Variants in MRTFA observed in about 807,000 individuals in gnomAD.
MRTFA encodes the protein myocardin related transcription factor A, also known as myocardin-related transcription factor A.
In MRTFA, 20 loss-of-function variants were observed where a neutral mutation model predicts 83.5. That is an observed-to-expected ratio of 0.24 (90% CI 0.17 to 0.35). MRTFA has a LOEUF of 0.35. MRTFA is among the 10% of genes least tolerant of loss of function. The pLI is 1.00. For synonymous variants in MRTFA, 659 were observed against 541.2 expected (o/e 1.22, Z -3.02); for missense variants, 1,200 against 1,224.7 (o/e 0.98, Z 0.30).
chr22:40,414,662 G>A (rs948197506), intron 14 of MRTFA, among the ~76,000 whole-genome samples: 8 of 152,272 alleles, frequency 5.3e-5, no homozygotes, highest in African/African-American at 9.6e-5. Flanking sequence ...AGGTCCCCAC[G>A]ACAGGCAAAT....
At chr22:40,520,356 A>G (rs144683633) in intron 3 of MRTFA, among the ~76,000 whole-genome samples, 2 of 152,154 alleles carry the variant, frequency 1.3e-5, no homozygotes, top group East Asian at 3.8e-4. Context: ...GAATCACACA[A>G]TATGTGGCCT....
intron 4 of MRTFA, among the ~76,000 whole-genome samples, chr22:40,436,646 T>A (rs1478452645): frequency 1.3e-5 from 2 of 152,120 alleles, no homozygotes; most frequent in African/African-American, 4.8e-5. Context: ...GTCAAAAACT[T>A]GGCTGTAAGG....
intron 3 of MRTFA, among the ~76,000 whole-genome samples, chr22:40,464,062 G>A (rs2053767076): frequency 6.6e-6 from 1 of 151,900 alleles, no homozygotes; most frequent in African/African-American, 2.4e-5. Flanking sequence ...CAGCACTTTG[G>A]AAGACCGAGG....
intron 4 of MRTFA, among the ~76,000 whole-genome samples, chr22:40,454,641 A>G (rs2053551249): frequency 6.6e-6 from 1 of 152,214 alleles, no homozygotes; most frequent in African/African-American, 2.4e-5. Flanking sequence ...TGGGTAACTA[A>G]TTCTGTGAGT....
rs1158818101 is a variant in MRTFA, at chr22:40,423,950, G to A, written c.777+256C>T. ...ATAAATGAATACAGACTGGGCCAGT[G>A]ACGTTTGCAATCCCACTGCAAGGCA... On this transcript the variant is annotated intron_variant, in intron 8 of 14. Transcript: ENST00000355630. Among the ~76,000 whole-genome samples, 4 of 152,200 alleles carry A rather than the reference G, an allele frequency of 2.6e-5. No homozygotes were observed. In the East Asian group the frequency reaches 7.7e-4, roughly 29 times the overall value.
At position 40,419,187 on chromosome 22, in the gene MRTFA, C is replaced by T. The variant is rs745514428; in HGVS notation, c.1551G>A (p.Thr517=). ...GGCCTGCTGCCACCAGGGCTGGCCC[C>T]GTGCTCAGCCGGGCCGCTGGGAAGG... Residue 517 remains threonine (T), a synonymous_variant, in exon 12 of 15, where the codon ACG becomes ACA. Coordinates refer to ENST00000355630, the MANE Select transcript of MRTFA (RefSeq NM_020831.6). 9.5e-6 allele frequency: 15 copies of T among 1,586,988 alleles called. No individual in the cohort carries two copies. Among genetic ancestry groups the T allele is most frequent in the African/African-American group, 6.7e-5 (5 of 74,104 alleles).
chr22:40,595,863 CTTTTTTTTT>C (rs35215701), intron 1 of MRTFA, among the ~76,000 whole-genome samples: 1 of 78,108 alleles, frequency 1.3e-5, no homozygotes, highest in African/African-American at 4.9e-5. Flanking sequence ...TATCTAAAGT[CTTTTTTTTT>C]TTTTTTTTTT....
At chr22:40,608,795 A>T (rs2056349909) in intron 1 of MRTFA, among the ~76,000 whole-genome samples, 1 of 152,216 alleles carries the variant, frequency 6.6e-6, no homozygotes, top group East Asian at 1.9e-4. Context: ...AAAGTACTTC[A>T]ATATGAGGTA....
chr22:40,618,883 C>T (rs974906194), intron 1 of MRTFA, among the ~76,000 whole-genome samples: 6 of 151,648 alleles, frequency 4.0e-5, no homozygotes, highest in Non-Finnish European at 7.4e-5. Flanking sequence ...GAATCTCGAA[C>T]TCAGGAGGCA....
intron 1 of MRTFA, among the ~76,000 whole-genome samples, chr22:40,629,629 A>G (rs919538904): frequency 6.0e-5 from 9 of 150,740 alleles, no homozygotes; most frequent in South Asian, 4.2e-4. Flanking sequence ...ACAAAAAATT[A>G]GCTGGGCGTG....
intron 3 of MRTFA, among the ~76,000 whole-genome samples, chr22:40,549,123 G>GGA (rs2055409694): frequency 4.6e-5 from 7 of 152,082 alleles, no homozygotes; most frequent in Admixed American, 4.6e-4. Flanking sequence ...GGAGTGTAGT[G>GGA]GTGCAATCAT....
chr22:40,544,477 T>C (rs1000489496), intron 3 of MRTFA, among the ~76,000 whole-genome samples: 2 of 152,184 alleles, frequency 1.3e-5, no homozygotes, highest in African/African-American at 2.4e-5. Context: ...TCCTCCCGCC[T>C]TGGCCTCCCC....
At chr22:40,600,030 G>GA (rs2056240625) in intron 1 of MRTFA, among the ~76,000 whole-genome samples, 1 of 151,230 alleles carries the variant, frequency 6.6e-6, no homozygotes, top group South Asian at 2.1e-4. Flanking sequence ...AAAGCAGAGG[G>GA]AAAATAACAA....
At chr22:40,617,628 G>A (rs1361937947) in intron 1 of MRTFA, among the ~76,000 whole-genome samples, 3 of 151,600 alleles carry the variant, frequency 2.0e-5, no homozygotes, top group Admixed American at 6.6e-5. Flanking sequence ...TCGGGAGGCT[G>A]AGGCAGGAGA....
intron 3 of MRTFA, among the ~76,000 whole-genome samples, chr22:40,504,002 G>A (rs942582465): frequency 6.6e-6 from 1 of 152,060 alleles, no homozygotes; most frequent in African/African-American, 2.4e-5. Flanking sequence ...AAAAGATTCA[G>A]TTAAATTTAT....
At chr22:40,539,360 G>C (rs1055564681) in intron 3 of MRTFA, among the ~76,000 whole-genome samples, 7 of 140,094 alleles carry the variant, frequency 5.0e-5, no homozygotes, top group African/African-American at 1.9e-4. Context: ...TTTTTTTTGA[G>C]ACAGAATCTT....
chr22:40,596,685 T>C (rs1226503655), intron 1 of MRTFA, among the ~76,000 whole-genome samples: 4 of 152,138 alleles, frequency 2.6e-5, no homozygotes, highest in African/African-American at 9.7e-5. Context: ...CACGTACCTG[T>C]AGTCCCAGGT....
At chr22:40,554,479 G>T (rs979909751) in intron 2 of MRTFA, among the ~76,000 whole-genome samples, 1 of 152,110 alleles carries the variant, frequency 6.6e-6, no homozygotes, top group African/African-American at 2.4e-5. Context: ...TTTTATAAGG[G>T]GCTTTTCCTC....
chr22:40,589,617 T>C (rs1012959580), intron 2 of MRTFA, among the ~76,000 whole-genome samples: 1 of 152,238 alleles, frequency 6.6e-6, no homozygotes, highest in Non-Finnish European at 1.5e-5. Flanking sequence ...ATGCTAATAA[T>C]GTCTACTAAA....
Sources: allele counts gnomAD v4.1 joint callset (sites outside exome capture counted in the v4.1 genomes callset), GRCh38; gene constraint gnomAD v4.1.1; transcripts MANE v1.5; gene names NCBI Gene and HGNC (gene_info 2026-07-23, HGNC 2026-07-21).